Variants in ATP2C1 observed in about 807,000 individuals in gnomAD.
The protein encoded by ATP2C1 is calcium-transporting ATPase type 2C member 1.
Under a neutral mutation model 120.5 loss-of-function variants are expected in ATP2C1, and 31 were observed. The observed-to-expected ratio is 0.26, with a 90% CI of 0.19 to 0.35. The LOEUF (loss-of-function observed/expected upper bound fraction) is 0.35. Among genes scored for constraint, ATP2C1 ranks in the 10% least tolerant of loss-of-function variants. The pLI is 1.00. For missense variants in ATP2C1, 731 were observed against 1,107.5 expected (o/e 0.66, Z 4.83); for synonymous variants, 351 against 358.7 (o/e 0.98, Z 0.24).
chr3:130,921,167 C>G (rs1172149759), intron 2 of ATP2C1, among the ~76,000 whole-genome samples: 1 of 151,136 alleles, frequency 6.6e-6, no homozygotes, highest in Non-Finnish European at 1.5e-5. Context: ...GTGCAACCTC[C>G]GCCTCCCAGG....
chr3:130,926,253 A>G (rs2059200055), intron 2 of ATP2C1, among the ~76,000 whole-genome samples: 1 of 152,196 alleles, frequency 6.6e-6, no homozygotes, highest in Non-Finnish European at 1.5e-5. Flanking sequence ...GATACAAGCT[A>G]GTCCTGCCTC....
At chr3:130,856,889 G>A (rs933023943) in intron 1 of ATP2C1, among the ~76,000 whole-genome samples, 7 of 152,194 alleles carry the variant, frequency 4.6e-5, no homozygotes, top group African/African-American at 1.7e-4. Flanking sequence ...GGAACAATAA[G>A]CATGTGGGAG....
rs1366828381 is a variant in ATP2C1 at position 130,967,376 on chromosome 3, T to G, written c.1265T>G (p.Met422Arg). 6.2e-7 allele frequency: 1 copy of G among 1,613,662 alleles called. No individual in the cohort carries two copies. The highest frequency in any genetic ancestry group is 8.5e-7 in the Non-Finnish European group (1 of 1,179,768). The stretch of plus-strand genomic sequence containing the variant: ...GCTGTAATTAGAAACAATACTCTAA[T>G]GGGGAAGCCAACAGAAGGGGCCTTA... ...NDAVIRNNTL[M>R]GKPTEGALIA... is the part of the protein sequence containing the mutation. Residue 422 changes from methionine (M) to arginine (R), a missense_variant, in exon 16 of 28, where the codon ATG becomes AGG. Transcript: ENST00000510168.
At chr3:131,015,664 A>G (rs568746049) in intron 26 of ATP2C1, among the ~76,000 whole-genome samples, 5 of 152,350 alleles carry the variant, frequency 3.3e-5, no homozygotes, top group African/African-American at 1.2e-4. Flanking sequence ...AGCACAGGGT[A>G]GGCATTTAAT....
chr3:130,898,992 T>C (rs1306174743), intron 2 of ATP2C1, among the ~76,000 whole-genome samples: 1 of 152,204 alleles, frequency 6.6e-6, no homozygotes, highest in Non-Finnish European at 1.5e-5. Context: ...TTTTTAATAA[T>C]GGTTTCAGGC....
At chr3:130,963,668 C>G in intron 12 of ATP2C1, 1 of 369,928 alleles carries the variant, frequency 2.7e-6, no homozygotes, top group Non-Finnish European at 5.1e-6. Context: ...TAGATGAGGA[C>G]AGTAAACTAC....
At position 130,984,671 on chromosome 3, in the gene ATP2C1, T is replaced by C. The variant is rs141452350; in HGVS notation, c.1839+3992T>C. On this transcript the variant is annotated intron_variant, in intron 20 of 27. Transcript: ENST00000510168. ...TCTCTAATGTTGAAATCCTGAAAGA[T>C]TGAAATCCATAAAGTCTTAAAATCC... Among the ~76,000 whole-genome samples the C allele has an allele frequency of 2.3e-4, 35 of 152,226 alleles. 1 individual carries two copies. The highest frequency in any genetic ancestry group is 8.2e-4 in the African/African-American group (34 of 41,552).
intron 17 of ATP2C1, among the ~76,000 whole-genome samples, chr3:130,973,923 A>C (rs2108730933): frequency 6.6e-6 from 1 of 152,224 alleles, no homozygotes; most frequent in East Asian, 1.9e-4. Flanking sequence ...TGGATAAAAG[A>C]AAAAAAAGAA....
intron 8 of ATP2C1, among the ~76,000 whole-genome samples, chr3:130,943,168 A>G (rs2059994858): frequency 6.6e-6 from 1 of 152,238 alleles, no homozygotes; most frequent in African/African-American, 2.4e-5. Context: ...AGTATAGATT[A>G]GTATGTATTT....
chr3:130,883,944 T>TC (rs1669726759), intron 1 of ATP2C1, among the ~76,000 whole-genome samples: 1 of 88,774 alleles, frequency 1.1e-5, no homozygotes, highest in African/African-American at 3.1e-5. Context: ...TTTCTTTTCT[T>TC]CTTTTTTTTT....
At chr3:130,944,535 A>T (rs186425018) in intron 8 of ATP2C1, among the ~76,000 whole-genome samples, 9 of 152,154 alleles carry the variant, frequency 5.9e-5, no homozygotes, top group South Asian at 2.1e-4. Flanking sequence ...CACTAATGGC[A>T]TCATTAGGAC....
intron 2 of ATP2C1, among the ~76,000 whole-genome samples, chr3:130,900,571 C>CT (rs556293893): frequency 6.6e-6 from 1 of 151,420 alleles, no homozygotes; most frequent in Admixed American, 6.6e-5. Context: ...ACTCATCAGA[C>CT]TTTTTTTTTG....
At chr3:130,854,537 C>T (rs2067775481) in intron 1 of ATP2C1, among the ~76,000 whole-genome samples, 1 of 152,186 alleles carries the variant, frequency 6.6e-6, no homozygotes, top group African/African-American at 2.4e-5. Flanking sequence ...ACTAGAGACT[C>T]AGCAGCCTGA....
At chr3:130,933,961 A>G (rs2059560506) in intron 4 of ATP2C1, among the ~76,000 whole-genome samples, 1 of 152,220 alleles carries the variant, frequency 6.6e-6, no homozygotes, top group Non-Finnish European at 1.5e-5. Flanking sequence ...TAGCAGAGGA[A>G]GAGATTCTAA....
chr3:130,945,081 G>C (rs2060085386), intron 8 of ATP2C1, among the ~76,000 whole-genome samples: 1 of 152,142 alleles, frequency 6.6e-6, no homozygotes, highest in South Asian at 2.1e-4. Context: ...CACTGCTACA[G>C]AGGGAGGACT....
intron 2 of ATP2C1, among the ~76,000 whole-genome samples, chr3:130,906,587 T>C (rs2058131620): frequency 6.6e-6 from 1 of 152,010 alleles, no homozygotes; most frequent in African/African-American, 2.4e-5. Context: ...GTAACTGCCA[T>C]AGTGGTTGAA....
intron 23 of ATP2C1, chr3:130,996,419 A>G (rs1397040877): frequency 1.7e-6 from 1 of 581,236 alleles, no homozygotes; most frequent in African/African-American, 1.9e-5. Context: ...GTGTAGTCAA[A>G]GAACAGTTAC....
In ATP2C1 at chr3:130,894,204, C is replaced by G. The variant is rs2069366125; in HGVS notation, c.-314C>G. On this transcript the variant is annotated 5_prime_UTR_variant, in exon 1 of 28. Coordinates refer to ENST00000510168, the MANE Select transcript of ATP2C1 (RefSeq NM_001378687.1). This position sits in a 1 kb window ranked among gnomAD's most constrained non-coding sequence, Gnocchi z 4.5. The stretch of plus-strand genomic sequence containing the variant: ...TTCCTCCCTCCCGCTCGCTTCTTCT[C>G]ACGCCGGGAGCAGGCTCCCGCCTCG... 9 of 979,642 alleles carry G rather than the reference C, an allele frequency of 9.2e-6. No homozygotes were observed. Among genetic ancestry groups the G allele is most frequent in the Non-Finnish European group, 1.1e-5 (9 of 826,968 alleles). 60.7% of individuals were successfully genotyped at this position (979,642 alleles called of 1,614,324 possible). A position where few individuals can be genotyped will look rare whatever the true frequency, so the allele number is the denominator to read the frequency against.
At chr3:130,918,006 A>G (rs1241467734) in intron 2 of ATP2C1, among the ~76,000 whole-genome samples, 1 of 152,106 alleles carries the variant, frequency 6.6e-6, no homozygotes, top group Non-Finnish European at 1.5e-5. Context: ...TTTTATTTAA[A>G]TTGTAAAAGA....
Sources: allele counts gnomAD v4.1 joint callset (sites outside exome capture counted in the v4.1 genomes callset), GRCh38; gene constraint gnomAD v4.1.1; non-coding constraint Gnocchi (gnomAD v3.1); transcripts MANE v1.5; gene names NCBI Gene and HGNC (gene_info 2026-07-23, HGNC 2026-07-21).